The following COL4A2 variants were observed in gnomAD, a reference collection of about 807,000 sequenced individuals.
COL4A2 encodes collagen type IV alpha 2 chain.
A neutral mutation model predicts 200.2 loss-of-function variants in COL4A2; 99 were observed. The ratio of observed to expected loss-of-function variants is 0.49; its 90% CI spans 0.42 to 0.58. The LOEUF (loss-of-function observed/expected upper bound fraction) is 0.58, where lower values mean the gene tolerates loss of function less well. Among genes scored for constraint, COL4A2 ranks in the 20% least tolerant of loss-of-function variants. COL4A2 has a pLI of 0.00. For missense variants in COL4A2, 1,950 were observed against 2,314.1 expected, an observed-to-expected ratio of 0.84 and a Z score of 3.23; for synonymous variants, 897 against 900.6, an observed-to-expected ratio of 1.00 and a Z score of 0.07.
At chr13:110,468,348 G>A (rs768623083) in intron 27 of COL4A2, 10 of 471,096 alleles carry the variant, frequency 2.1e-5, no homozygotes, top group East Asian at 7.0e-5. Context: ...TTTCAACACC[G>A]TCACTCATAC....
rs1882855740 is a variant in COL4A2 at position 110,480,303 on chromosome 13, G to A, written c.2671G>A (p.Asp891Asn). Residue 891 changes from aspartate to asparagine, a missense_variant, in exon 31 of 48, where the codon GAT (aspartate) becomes AAT (asparagine). Asp to Asn is a conservative substitution (Grantham distance 23, BLOSUM62 1). This residue lies in a region of COL4A2 where 1,385 missense variants were observed against 1,720.5 expected (regional missense o/e 0.80). Transcript: ENST00000360467. ...GMKGLSGDRG[D>N]AGFTGEQGHP... ...GAAAGGTCTCTCTGGTGACAGAGGA[G>A]ATGCTGGCTTCACAGGGGAGCAAGG... The A allele has an allele frequency of 1.2e-6, 2 of 1,613,948 alleles. No individual in the cohort carries two copies. The highest frequency in any genetic ancestry group is 2.2e-5 in the South Asian group (2 of 91,062).
rs781007619 is a variant in COL4A2 at position 110,506,480 on chromosome 13, T to C, written c.4468T>C (p.Tyr1490His). The change falls in exon 46 of 48, where the codon TAC (tyrosine) becomes CAC (histidine). Residue 1490 changes from tyrosine (Y) to histidine (H), a missense_variant. By Grantham distance (83) the Tyr-to-His change is moderately conservative (BLOSUM62 2). Transcript: ENST00000360467. ...GCCAGGCCGCAGCGTCAGCATCGGC[T>C]ACCTCCTGGTGAAGCACAGCCAGAC... ...GMPGRSVSIG[Y>H]LLVKHSQTDQ... 2.4e-5 allele frequency: 39 copies of C among 1,612,488 alleles called. No individual in the cohort carries two copies. Among genetic ancestry groups the C allele is most frequent in the Non-Finnish European group, 3.2e-5 (38 of 1,179,758 alleles).
At chr13:110,501,858 G>C (rs1883656406) in intron 41 of COL4A2, 74 bp downstream of exon 41, 1 of 1,419,482 alleles carries the variant, frequency 7.0e-7, no homozygotes, top group Non-Finnish European at 9.8e-7. Flanking sequence ...TTAATGTAGG[G>C]GGAGAACAGA....
rs557038954 is a variant in COL4A2 at position 110,472,296 on chromosome 13, T to C, written c.2204-633T>C. On this transcript the variant is annotated intron_variant, in intron 28 of 47. Transcript: ENST00000360467. ...ACACCTGGCTAATTTTTTGTATTTT[T>C]AGTAGAGACGAGGTTTCACCGTGTT... Among the ~76,000 whole-genome samples, 21 of 152,102 alleles carry C rather than the reference T, an allele frequency of 1.4e-4. No individual in the cohort carries two copies. The South Asian group carries it at 3.3e-3, about 24-fold the overall frequency.
At chr13:110,433,600 G>A (rs1371668189) in intron 11 of COL4A2, among the ~76,000 whole-genome samples, 1 of 152,230 alleles carries the variant, frequency 6.6e-6, no homozygotes, top group Non-Finnish European at 1.5e-5. Flanking sequence ...ACATTGGAGG[G>A]GGCGGACGGT....
intron 20 of COL4A2, among the ~76,000 whole-genome samples, chr13:110,453,501 C>T (rs1222244478): frequency 6.6e-6 from 1 of 151,540 alleles, no homozygotes; most frequent in Non-Finnish European, 1.5e-5. Flanking sequence ...AACTCCATCT[C>T]AATTTAAAAA....
chr13:110,493,071 ACACCCCCAT>A, intron 38 of COL4A2, 131 bp from the exon 39 acceptor site: 7 of 857,046 alleles, frequency 8.2e-6, no homozygotes, highest in South Asian at 2.8e-5. Flanking sequence ...ACGATGAGTG[ACACCCCCAT>A]GGGTGAAATA....
intron 4 of COL4A2, among the ~76,000 whole-genome samples, chr13:110,358,702 T>C (rs1007365108): frequency 6.6e-6 from 1 of 152,220 alleles, no homozygotes; most frequent in Non-Finnish European, 1.5e-5. Flanking sequence ...CAAAAAGTCA[T>C]GATGCGGTGC....
At chr13:110,497,292 T>C (rs1375578611) in intron 40 of COL4A2, among the ~76,000 whole-genome samples, 1 of 147,950 alleles carries the variant, frequency 6.8e-6, no homozygotes, top group Non-Finnish European at 1.5e-5. Flanking sequence ...TCTAGGTCAA[T>C]CCACCAGCAC....
chr13:110,327,944 A>G (rs1297276529), intron 3 of COL4A2, among the ~76,000 whole-genome samples: 1 of 152,240 alleles, frequency 6.6e-6, no homozygotes, highest in Non-Finnish European at 1.5e-5. Flanking sequence ...AGTTTTTATC[A>G]TATTTTCCTA....
chr13:110,459,222 C>T (rs945023861), intron 22 of COL4A2: 6 of 323,594 alleles, frequency 1.9e-5, no homozygotes, highest in Non-Finnish European at 3.4e-5. Context: ...CTGGTGTATC[C>T]CCAAGAGACT....
Position 110,473,082 on chromosome 13 carries a change from A to T in COL4A2, c.2357A>T (p.Asp786Val), listed in dbSNP as rs753642146. The T allele has an allele frequency of 1.3e-4, 197 of 1,546,396 alleles. No homozygotes were observed. The highest frequency in any genetic ancestry group is 1.6e-4 in the Non-Finnish European group (185 of 1,146,120). The part of the protein sequence containing the change: ...VLGAQPGPRG[D>V]AGVPGQPGLK... ...GGAGCTCAGCCCGGGCCACGGGGAG[A>T]TGCTGGTGTGCCTGGACAGCCTGGG... Residue 786 changes from aspartate (D) to valine (V), a missense_variant, in exon 29 of 48, where the codon GAT becomes GTT. Physicochemically the swap from Asp to Val is radical, Grantham distance 152 (BLOSUM62 -3). This residue lies in a region of COL4A2 where 1,385 missense variants were observed against 1,720.5 expected (regional missense o/e 0.80). Transcript: ENST00000360467.
chr13:110,510,890 C>T lies in COL4A2; in HGVS notation c.4882-1044C>T, dbSNP rs1478297208. Among the ~76,000 whole-genome samples, 4 of 152,236 alleles carry T rather than the reference C, an allele frequency of 2.6e-5. No individual in the cohort carries two copies. In the East Asian group the frequency reaches 7.7e-4, roughly 29 times the overall value. On this transcript the variant is annotated intron_variant, in intron 47 of 47. Coordinates refer to ENST00000360467, the MANE Select transcript of COL4A2 (RefSeq NM_001846.4). ...TGGAGGACGTCTCCACTTCTTATTACCTGCTCATTAGCAGACAAGAGCAGG... is the reference window on the plus strand; with the variant it reads ...TGGAGGACGTCTCCACTTCTTATTATCTGCTCATTAGCAGACAAGAGCAGG...
chr13:110,387,103 G>A (rs1878784638), intron 4 of COL4A2, among the ~76,000 whole-genome samples: 1 of 152,152 alleles, frequency 6.6e-6, no homozygotes, highest in Non-Finnish European at 1.5e-5. Context: ...GCTGGCCGTG[G>A]TGGCGGGCGC....
chr13:110,354,105 A>G (rs1195807258), intron 3 of COL4A2, among the ~76,000 whole-genome samples: 1 of 152,228 alleles, frequency 6.6e-6, no homozygotes, highest in African/African-American at 2.4e-5. Flanking sequence ...ATTTATATGG[A>G]GGGATTTGGC....
intron 14 of COL4A2, chr13:110,438,405 C>T: frequency 5.8e-6 from 4 of 695,476 alleles, no homozygotes; most frequent in Non-Finnish European, 7.7e-6. Context: ...CGTGACATGA[C>T]ACATGCAGTC....
At chr13:110,432,216 C>T in intron 10 of COL4A2, 109 bp from the exon 11 acceptor site, 1 of 1,350,878 alleles carries the variant, frequency 7.4e-7, no homozygotes, top group Non-Finnish European at 9.7e-7. Context: ...ATGCATCCTA[C>T]ACTGTGTCCT....
chr13:110,452,542 A>G (rs573669066), intron 20 of COL4A2, among the ~76,000 whole-genome samples: 1 of 152,216 alleles, frequency 6.6e-6, no homozygotes, highest in Non-Finnish European at 1.5e-5. Flanking sequence ...TAGAGTTATT[A>G]GAGGCAATGT....
chr13:110,507,266 C>G (rs1280329915), intron 46 of COL4A2, among the ~76,000 whole-genome samples: 2 of 152,158 alleles, frequency 1.3e-5, no homozygotes, highest in African/African-American at 4.8e-5. Flanking sequence ...CTTCACATTC[C>G]TGCCTGTGCG....
Sources: allele counts gnomAD v4.1 joint callset (sites outside exome capture counted in the v4.1 genomes callset), GRCh38; gene constraint gnomAD v4.1.1; regional missense constraint gnomAD v4.1.1; transcripts MANE v1.5; gene names NCBI Gene and HGNC (gene_info 2026-07-23, HGNC 2026-07-21).